Variants in TSNARE1 observed in about 807,000 individuals in gnomAD.
TSNARE1 encodes t-SNARE domain containing 1.
A neutral mutation model predicts 62.0 loss-of-function variants in TSNARE1; 49 were observed. The ratio of observed to expected loss-of-function variants is 0.79; its 90% confidence interval spans 0.63 to 1.00. The LOEUF (loss-of-function observed/expected upper bound fraction) is 1.00, where lower values mean the gene tolerates loss of function less well. Ranked by LOEUF, TSNARE1 falls within the 50% of genes least tolerant of loss-of-function variation. The pLI is 0.00. For synonymous variants in TSNARE1, 328 were observed against 294.4 expected, an observed-to-expected ratio of 1.11 and a Z score of -1.17; for missense variants, 755 against 700.1, an observed-to-expected ratio of 1.08 and a Z score of -0.88.
At chr8:142,354,924 C>T (rs1315516806) in intron 1 of TSNARE1, among the ~76,000 whole-genome samples, 161 bp from the exon 2 acceptor site, 1 of 151,774 alleles carries the variant, frequency 6.6e-6, no homozygotes, top group African/African-American at 2.4e-5. Context: ...AGCCCCCAAA[C>T]AGCAACCCCC....
intron 11 of TSNARE1, chr8:142,276,499 C>T (rs761767280): frequency 1.1e-5 from 11 of 985,358 alleles, no homozygotes; most frequent in Non-Finnish European, 1.3e-5. Context: ...GGCCTCGCTT[C>T]TGTTGCTGAG....
At chr8:142,257,722 A>T (rs1385666463) in intron 12 of TSNARE1, among the ~76,000 whole-genome samples, 1 of 151,984 alleles carries the variant, frequency 6.6e-6, no homozygotes, top group Non-Finnish European at 1.5e-5. Flanking sequence ...CAGGGGTGGG[A>T]GGCCTGGCCC....
intron 1 of TSNARE1, among the ~76,000 whole-genome samples, chr8:142,367,711 T>C (rs944753573): frequency 6.6e-5 from 10 of 152,194 alleles, no homozygotes; most frequent in Non-Finnish European, 1.5e-4. Context: ...ATAAAAATGC[T>C]AGAAAGCCTC....
intron 1 of TSNARE1, among the ~76,000 whole-genome samples, chr8:142,374,396 C>A (rs373347155): frequency 6.6e-6 from 1 of 151,798 alleles, no homozygotes; most frequent in Non-Finnish European, 1.5e-5. Context: ...GTGGGAAATG[C>A]GGCTGGGTGC....
intron 4 of TSNARE1, 101 bp downstream of exon 4, chr8:142,343,840 GGGAGGAAGAGGAGGAGGAGGAAAGT>G: frequency 1.4e-6 from 1 of 730,176 alleles, no homozygotes; most frequent in Admixed American, 4.4e-5. Flanking sequence ...AGAGGGGAAG[GGGAGGAAGAGGAGGAGGAGGAAAGT>G]CACTGTGGAG....
intron 6 of TSNARE1, among the ~76,000 whole-genome samples, chr8:142,324,419 G>A (rs1829904668): frequency 1.3e-5 from 2 of 152,190 alleles, no homozygotes; most frequent in Admixed American, 6.5e-5. Context: ...TGCCGTTGCT[G>A]CCAGCAGTCA....
intron 1 of TSNARE1, among the ~76,000 whole-genome samples, chr8:142,358,955 CG>C (rs778416186): frequency 3.0e-4 from 45 of 152,080 alleles, no homozygotes; most frequent in Non-Finnish European, 5.6e-4. Context: ...GTGCCCACAC[CG>C]GCACCCAAGG....
At chr8:142,346,431 A>G (rs758837582) in intron 2 of TSNARE1, among the ~76,000 whole-genome samples, 2 of 152,242 alleles carry the variant, frequency 1.3e-5, no homozygotes, top group Non-Finnish European at 2.9e-5. Context: ...CACGGAACGC[A>G]TCGTAATTTT....
chr8:142,343,482 C>T (rs1305825989), intron 4 of TSNARE1, among the ~76,000 whole-genome samples: 5 of 151,686 alleles, frequency 3.3e-5, no homozygotes, highest in African/African-American at 1.2e-4. Flanking sequence ...ATGCCCTTCT[C>T]GCCACGGCCG....
At chr8:142,309,357 T>C (rs973811548) in intron 9 of TSNARE1, among the ~76,000 whole-genome samples, 5 of 152,202 alleles carry the variant, frequency 3.3e-5, no homozygotes, top group African/African-American at 1.2e-4. Flanking sequence ...GAAAAGACTT[T>C]AACATCCCTC....
chr8:142,370,521 A>G (rs1331175893), intron 1 of TSNARE1, among the ~76,000 whole-genome samples: 1 of 152,146 alleles, frequency 6.6e-6, no homozygotes, highest in Non-Finnish European at 1.5e-5. Context: ...ACAGTGAGCC[A>G]AGCACCACCG....
intron 12 of TSNARE1, among the ~76,000 whole-genome samples, chr8:142,261,988 C>G (rs1818917352): frequency 6.6e-6 from 1 of 152,222 alleles, no homozygotes; most frequent in Non-Finnish European, 1.5e-5. Context: ...CAGCCTGCTC[C>G]CAGCCCCATC....
chr8:142,403,638 C>T (rs1564027168), upstream of TSNARE1: 1 of 152,234 alleles, frequency 6.6e-6, no homozygotes, highest in Non-Finnish European at 1.5e-5. Flanking sequence ...GCTGCACGGG[C>T]TCCGCGTGGG....
chr8:142,401,645 TAG>T (rs1377694511), intron 1 of TSNARE1, among the ~76,000 whole-genome samples: 1 of 151,998 alleles, frequency 6.6e-6, no homozygotes, highest in Non-Finnish European at 1.5e-5. Context: ...GGTTCCTGGA[TAG>T]AGTCAGAGCA....
chr8:142,389,017 G>A (rs1016985773), intron 1 of TSNARE1, among the ~76,000 whole-genome samples: 2 of 152,206 alleles, frequency 1.3e-5, no homozygotes, highest in Non-Finnish European at 2.9e-5. Context: ...CAAAGCTACA[G>A]TAATCAAAAC....
chr8:142,332,237 A>G (rs901283675), intron 4 of TSNARE1, among the ~76,000 whole-genome samples: 3 of 152,244 alleles, frequency 2.0e-5, no homozygotes, highest in Non-Finnish European at 4.4e-5. Context: ...CCGGCAGCTC[A>G]GCATTGGAAA....
intron 1 of TSNARE1, among the ~76,000 whole-genome samples, chr8:142,402,552 G>T (rs1838373010): frequency 6.6e-6 from 1 of 152,264 alleles, no homozygotes; most frequent in South Asian, 2.1e-4. Flanking sequence ...CCCTGGTGGG[G>T]ATGTCGCAGG....
chr8:142,379,926 C>T (rs1013593708), intron 1 of TSNARE1, among the ~76,000 whole-genome samples: 25 of 152,188 alleles, frequency 1.6e-4, no homozygotes, highest in African/African-American at 5.5e-4. Context: ...GCATCTAATC[C>T]CCCTCTCCCC....
At chr8:142,396,747 A>C (rs1307037406) in intron 1 of TSNARE1, among the ~76,000 whole-genome samples, 1 of 152,200 alleles carries the variant, frequency 6.6e-6, no homozygotes, top group Non-Finnish European at 1.5e-5. Flanking sequence ...CACCCCCGTG[A>C]CTTCAGGTAA....
Sources: gnomAD v4.1 joint callset for allele counts (sites outside exome capture counted in the v4.1 genomes callset) on GRCh38, gnomAD v4.1.1 for gene constraint, MANE v1.5 for transcripts, NCBI Gene and HGNC (gene_info 2026-07-23, HGNC 2026-07-21) for gene names.